SYNE2: variants seen among roughly 807,000 people sequenced by gnomAD.
SYNE2 encodes the protein spectrin repeat containing nuclear envelope protein 2.
A neutral mutation model predicts 856.3 loss-of-function variants in SYNE2; 431 were observed. The observed-to-expected ratio is 0.50, with a 90% confidence interval of 0.47 to 0.55. The LOEUF (loss-of-function observed/expected upper bound fraction) is 0.55, where lower values mean the gene tolerates loss of function less well. Among genes scored for constraint, SYNE2 ranks in the 20% least tolerant of loss-of-function variants. SYNE2 has a pLI of 0.00. For missense variants in SYNE2, 8,129 were observed against 8,023.2 expected, an observed-to-expected ratio of 1.01 and a Z score of -0.50; for synonymous variants, 2,923 against 2,872.3, an observed-to-expected ratio of 1.02 and a Z score of -0.56.
intron 45 of SYNE2, among the ~76,000 whole-genome samples, chr14:64,033,760 A>C (rs967580439): frequency 1.9e-4 from 29 of 152,232 alleles, no homozygotes; most frequent in Non-Finnish European, 3.2e-4. Context: ...AGTTATTGAT[A>C]GTTTATGATA....
intron 1 of SYNE2, among the ~76,000 whole-genome samples, chr14:63,806,507 C>A: frequency 6.6e-6 from 1 of 152,144 alleles, no homozygotes; most frequent in South Asian, 2.1e-4. Flanking sequence ...AGAGAGGAGT[C>A]CCTCCTCCTC....
Position 64,225,020 on chromosome 14 carries a change from G to C in SYNE2, c.20491G>C (p.Glu6831Gln). ...RAKFRAVRTT[E>Q]GEEETESRVP... ...GCAGTTCAGAGCAGTGAGAACTACA[G>C]AAGGCGAGGAGGAGACAGAGAGCAG... Residue 6831 changes from glutamate (E) to glutamine (Q), a missense_variant, in exon 115 of 116, where the codon GAA becomes CAA. Glu to Gln is a conservative substitution (Grantham distance 29). Transcript: ENST00000555002. 1 of 1,613,838 alleles carries C rather than the reference G, an allele frequency of 6.2e-7. No homozygotes were observed. Among genetic ancestry groups the C allele is most frequent in the Non-Finnish European group, 8.5e-7 (1 of 1,179,960 alleles).
chr14:63,788,188 G>A (rs553611456), intron 1 of SYNE2, among the ~76,000 whole-genome samples: 1 of 152,320 alleles, frequency 6.6e-6, no homozygotes, highest in African/African-American at 2.4e-5. Flanking sequence ...GGAGAGGAGA[G>A]AGGCCAGGCA....
intron 82 of SYNE2, among the ~76,000 whole-genome samples, chr14:64,143,296 C>T (rs1022469780): frequency 3.9e-5 from 6 of 152,168 alleles, no homozygotes; most frequent in Non-Finnish European, 7.4e-5. Context: ...CTAAAGCCAC[C>T]TGAGAGGCCT....
intron 1 of SYNE2, among the ~76,000 whole-genome samples, chr14:63,844,242 C>A (rs116231689): frequency 6.4e-4 from 97 of 152,292 alleles, no homozygotes; most frequent in African/African-American, 2.2e-3. Context: ...ATAGTTTTGT[C>A]TTTTCTGGAG....
rs745409597 is a variant in SYNE2 at position 64,098,762 on chromosome 14, T to C, written c.12322T>C (p.Ser4108Pro). ...ASERKLNRRG[S>P]MSYLAAVEEE... is the part of the protein sequence containing the mutation. ...TGCCTTTCAGTTGAACAGAAGAGGCTCCATGTCTTACCTGGCAGCAGTCGA... is the reference window on the plus strand; with the variant it reads ...TGCCTTTCAGTTGAACAGAAGAGGCCCCATGTCTTACCTGGCAGCAGTCGA... Residue 4108 changes from serine to proline, a missense_variant, in exon 63 of 116, where the codon TCC becomes CCC. Coordinates refer to ENST00000555002, the MANE Select transcript of SYNE2 (RefSeq NM_182914.3). 4.3e-5 allele frequency: 70 copies of C among 1,613,940 alleles called. No individual in the cohort carries two copies. The highest frequency in any genetic ancestry group is 2.9e-5 in the Non-Finnish European group (34 of 1,180,024).
At position 64,016,358 on chromosome 14, in the gene SYNE2, G is replaced by A. The variant is rs115379607; in HGVS notation, c.4729-115G>A. ...CTTTAAAAAAGAACAATGTAAGAAG[G>A]TATTATGCTTTGTTGGGTATTGTTT... On this transcript the variant is annotated intron_variant, in intron 32 of 115. Coordinates refer to ENST00000555002, the MANE Select transcript of SYNE2 (RefSeq NM_182914.3). 3,046 of 683,344 alleles carry A rather than the reference G, an allele frequency of 4.5e-3. 75 individuals carry two copies. The African/African-American group carries it at 0.049, about 11-fold the overall frequency. The allele number at this position is 683,344 out of a possible 1,614,324, so 42.3% of individuals were successfully genotyped here.
intron 34 of SYNE2, 139 bp downstream of exon 34, chr14:64,017,895 A>C: frequency 1.2e-6 from 1 of 857,926 alleles, no homozygotes; most frequent in Non-Finnish European, 1.9e-6. Flanking sequence ...TTGGATCATT[A>C]TTCAGTTGTT....
intron 99 of SYNE2, chr14:64,196,835 T>G (rs1002574945): frequency 6.6e-6 from 1 of 152,258 alleles, no homozygotes; most frequent in Non-Finnish European, 1.5e-5. Context: ...ATTTGTTTAC[T>G]GGAAGGAAGA....
rs1049385192 is a variant in SYNE2, at chr14:64,223,438, A to G, written c.20382+58A>G. ...TTGCCGTATTACATGCAGACAGGACAGCAGTGTTGTAGCAATGCTCTAAGA... is the reference window on the plus strand; with the variant it reads ...TTGCCGTATTACATGCAGACAGGACGGCAGTGTTGTAGCAATGCTCTAAGA... On this transcript the variant is annotated intron_variant, in intron 113 of 115. Transcript: ENST00000555002. 3.1e-6 allele frequency: 5 copies of G among 1,593,446 alleles called. No individual in the cohort carries two copies. The African/African-American group carries it at 5.4e-5, about 17-fold the overall frequency.
At chr14:64,024,570 A>C (rs2096962949) in intron 39 of SYNE2, 111 bp downstream of exon 39, 1 of 1,044,956 alleles carries the variant, frequency 9.6e-7, no homozygotes, top group Non-Finnish European at 1.4e-6. Context: ...AATTTCACAC[A>C]CAAAAGGCGT....
intron 93 of SYNE2, 112 bp downstream of exon 93, chr14:64,169,083 T>C (rs2153724639): frequency 1.2e-6 from 1 of 803,920 alleles, no homozygotes; most frequent in Middle Eastern, 2.3e-4. Context: ...TGTGCCCTGT[T>C]GGTTGACAGA....
At position 63,980,797 on chromosome 14, in the gene SYNE2, T is replaced by A. The variant is rs548297690; in HGVS notation, c.1648+65T>A. 5.6e-6 allele frequency: 7 copies of A among 1,261,110 alleles called. No homozygotes were observed. In the South Asian group the frequency reaches 8.8e-5, roughly 16 times the overall value. 78.1% of individuals were successfully genotyped at this position (1,261,110 alleles called of 1,614,324 possible). On this transcript the variant is annotated intron_variant, in intron 15 of 115. Coordinates refer to ENST00000555002, the MANE Select transcript of SYNE2 (RefSeq NM_182914.3). Reference sequence around the variant, plus strand: ...CTTAACAGTGATGTTTTATCTGTTGTGCTTTCTATATAATGTTTTAGAAAT... The same window carrying A: ...CTTAACAGTGATGTTTTATCTGTTGAGCTTTCTATATAATGTTTTAGAAAT...
rs1274252362 is a variant in SYNE2, at chr14:63,967,793, C to G, written c.1075C>G (p.Leu359Val). Residue 359 changes from leucine to valine, a missense_variant, in exon 11 of 116, where the codon CTG (leucine) becomes GTG (valine). Physicochemically the swap from Leu to Val is conservative, Grantham distance 32. Around this residue, in one of 3 missense-constraint regions of SYNE2, gnomAD observed 2,422 missense variants for 2,357.4 expected, o/e 1.03. Coordinates refer to ENST00000555002, the MANE Select transcript of SYNE2 (RefSeq NM_182914.3). The part of the protein sequence containing the change: ...VLSIKRDLDE[L>V]DKDHLQLREA... Reference sequence around the variant, plus strand: ...GTCAATAAAACGGGATCTGGATGAGCTGGACAAGGATCATTTACAGTTGAG... The same window carrying G: ...GTCAATAAAACGGGATCTGGATGAGGTGGACAAGGATCATTTACAGTTGAG... 1 of 1,614,030 alleles carries G rather than the reference C, an allele frequency of 6.2e-7. No individual in the cohort carries two copies. Among genetic ancestry groups the G allele is most frequent in the Admixed American group, 1.7e-5 (1 of 60,018 alleles).
At chr14:64,134,531 G>A (rs1043531189) in intron 78 of SYNE2, among the ~76,000 whole-genome samples, 6 of 152,300 alleles carry the variant, frequency 3.9e-5, no homozygotes, top group East Asian at 1.9e-4. Flanking sequence ...GTGAATGCCA[G>A]TGAGCTACTA....
At position 64,226,048 on chromosome 14, in the gene SYNE2, ATGTTC is replaced by A. The variant is rs777593616; in HGVS notation, c.*528_*532del. On this transcript the variant is annotated 3_prime_UTR_variant, in exon 116 of 116. Transcript: ENST00000555002. ...TTTGAGCTGCCGGTTATACACCAAA[ATGTTC>A]TGTTCAGTACCTAGCTCTGCTCTTT... The A allele has an allele frequency of 1.2e-4, 24 of 204,040 alleles. No homozygotes were observed. The highest frequency in any genetic ancestry group is 1.0e-4 in the South Asian group (1 of 9,660). The allele number at this position is 204,040 out of a possible 1,614,324, so 12.6% of individuals were successfully genotyped here. A position where few individuals can be genotyped will look rare whatever the true frequency, so the allele number is the denominator to read the frequency against.
intron 1 of SYNE2, among the ~76,000 whole-genome samples, chr14:63,870,829 C>T (rs1254585325): frequency 6.6e-6 from 1 of 152,034 alleles, no homozygotes; most frequent in Admixed American, 6.6e-5. Context: ...CGGAGTATTA[C>T]TCAAGATCAA....
chr14:63,920,597 C>A (rs2095587848), intron 2 of SYNE2, among the ~76,000 whole-genome samples: 1 of 150,510 alleles, frequency 6.6e-6, no homozygotes, highest in Admixed American at 6.7e-5. Flanking sequence ...TAGAAATTCC[C>A]CCAGGCTTCA....
chr14:63,856,467 T>A (rs1891767473), intron 1 of SYNE2, among the ~76,000 whole-genome samples: 1 of 152,178 alleles, frequency 6.6e-6, no homozygotes, highest in East Asian at 1.9e-4. Context: ...TATACACATG[T>A]GCTCCTGGGG....
Sources: allele counts gnomAD v4.1 joint callset (sites outside exome capture counted in the v4.1 genomes callset), GRCh38; gene constraint gnomAD v4.1.1; regional missense constraint gnomAD v4.1.1; transcripts MANE v1.5; gene names NCBI Gene and HGNC (gene_info 2026-07-23, HGNC 2026-07-21).